The following DEPDC5 variants were observed in gnomAD, a reference collection of about 807,000 sequenced individuals.
DEPDC5 encodes the protein GATOR1 complex protein DEPDC5.
Under a neutral mutation model 217.3 loss-of-function variants are expected in DEPDC5, and 73 were observed. The ratio of observed to expected loss-of-function variants is 0.34; its 90% CI spans 0.28 to 0.41. The LOEUF (loss-of-function observed/expected upper bound fraction) is 0.41, where lower values mean the gene tolerates loss of function less well. DEPDC5 is among the 10% of genes least tolerant of loss of function. The pLI, the probability that DEPDC5 is intolerant of heterozygous loss-of-function variation, is 1.00. For missense variants in DEPDC5, 1,675 were observed against 2,070.1 expected (o/e 0.81, Z 3.70); for synonymous variants, 733 against 756.7 (o/e 0.97, Z 0.51).
intron 33 of DEPDC5, among the ~76,000 whole-genome samples, chr22:31,866,774 G>GT (rs572686207): frequency 6.6e-6 from 1 of 151,962 alleles, no homozygotes; most frequent in Non-Finnish European, 1.5e-5. Context: ...TTTGTCCGAG[G>GT]TTTTTTTTCA....
intron 32 of DEPDC5, among the ~76,000 whole-genome samples, chr22:31,860,279 G>C (rs565949004): frequency 6.6e-6 from 1 of 152,290 alleles, no homozygotes; most frequent in South Asian, 2.1e-4. Flanking sequence ...GGGGGTACCT[G>C]CATCAGCATC....
chr22:31,754,759 T>C (rs946320407), intron 1 of DEPDC5, 103 bp from the exon 2 acceptor site: 19 of 729,332 alleles, frequency 2.6e-5, no homozygotes, highest in Non-Finnish European at 3.9e-5. Flanking sequence ...TTGGCACCAC[T>C]TCACAGCAGA....
intron 39 of DEPDC5, chr22:31,893,954 G>A: frequency 1.8e-6 from 1 of 541,780 alleles, no homozygotes; most frequent in Non-Finnish European, 3.0e-6. Context: ...GGGTTTCTTA[G>A]CCTTAGCAGT....
intron 2 of DEPDC5, among the ~76,000 whole-genome samples, chr22:31,756,656 C>T (rs746355014): frequency 6.6e-6 from 1 of 152,128 alleles, no homozygotes; most frequent in Non-Finnish European, 1.5e-5. Flanking sequence ...CATGGTAGCT[C>T]ATGACTGTAA....
intron 38 of DEPDC5, among the ~76,000 whole-genome samples, chr22:31,889,561 TTTTTTC>T (rs1461433086): frequency 7.0e-6 from 1 of 142,060 alleles, no homozygotes; most frequent in African/African-American, 2.6e-5. Flanking sequence ...TTTTTTTTTT[TTTTTTC>T]CAGACAGAGT....
At chr22:31,804,592 A>G (rs957674656) in intron 16 of DEPDC5, among the ~76,000 whole-genome samples, 3 of 152,120 alleles carry the variant, frequency 2.0e-5, no homozygotes, top group Non-Finnish European at 4.4e-5. Context: ...GGCGCCTGCC[A>G]CCATGCCAGG....
At chr22:31,759,355 G>C (rs112797876) in intron 3 of DEPDC5, among the ~76,000 whole-genome samples, 1 of 132,368 alleles carries the variant, frequency 7.6e-6, no homozygotes, top group South Asian at 2.5e-4. Context: ...ATACCGAGCC[G>C]TTTTTTTTGT....
intron 22 of DEPDC5, among the ~76,000 whole-genome samples, chr22:31,820,450 T>C (rs1003572264): frequency 2.0e-5 from 3 of 152,186 alleles, no homozygotes; most frequent in Non-Finnish European, 2.9e-5. Flanking sequence ...ACCATCCTGC[T>C]GAATACCTGG....
At chr22:31,874,201 T>A (rs2092929196) in intron 35 of DEPDC5, 72 bp from the exon 36 acceptor site, 1 of 1,551,602 alleles carries the variant, frequency 6.4e-7, no homozygotes, top group South Asian at 1.2e-5. Context: ...CCCTTCTTTT[T>A]CATCTTTCCT....
At chr22:31,824,075 G>C (rs1189550724) in intron 24 of DEPDC5, among the ~76,000 whole-genome samples, 6 of 152,232 alleles carry the variant, frequency 3.9e-5, no homozygotes, top group Non-Finnish European at 8.8e-5. Flanking sequence ...TCATTGCTGG[G>C]CACAGTGGCT....
Position 31,846,435 on chromosome 22 carries a change from C to T in DEPDC5, c.3022-399C>T, listed in dbSNP as rs558572829. Among the ~76,000 whole-genome samples, 7 of 152,252 alleles carry T rather than the reference C, an allele frequency of 4.6e-5. No individual in the cohort carries two copies. The South Asian group carries it at 1.0e-3, about 23-fold the overall frequency. ...ACACAACATCACTTACGATTAGAAACGTGTCTGGGAGAGCTTGGATAGTGG... is the reference window on the plus strand; with the variant it reads ...ACACAACATCACTTACGATTAGAAATGTGTCTGGGAGAGCTTGGATAGTGG... On this transcript the variant is annotated intron_variant, in intron 30 of 42. Transcript: ENST00000651528.
chr22:31,808,628 G>A (rs557927316), intron 18 of DEPDC5, among the ~76,000 whole-genome samples: 7 of 151,948 alleles, frequency 4.6e-5, no homozygotes, highest in African/African-American at 1.4e-4. Flanking sequence ...TAGAGACGAG[G>A]TTTCACCATG....
intron 33 of DEPDC5, among the ~76,000 whole-genome samples, chr22:31,864,501 A>ATATAT (rs2092618825): frequency 8.1e-6 from 1 of 123,162 alleles, no homozygotes; most frequent in Non-Finnish European, 1.7e-5. Context: ...TCTTCATTAA[A>ATATAT]ATATATATAT....
intron 16 of DEPDC5, 65 bp downstream of exon 16, chr22:31,804,288 C>T: frequency 1.3e-6 from 2 of 1,522,320 alleles, no homozygotes; most frequent in Non-Finnish European, 1.8e-6. Flanking sequence ...AGAAAAATTC[C>T]AGGCGCTGTG....
chr22:31,848,230 A>G (rs1343989793), intron 31 of DEPDC5, among the ~76,000 whole-genome samples: 1 of 152,118 alleles, frequency 6.6e-6, no homozygotes, highest in African/African-American at 2.4e-5. Flanking sequence ...TTCCAGATGC[A>G]TGATGCAAGC....
At chr22:31,761,494 T>C (rs78354843) in intron 4 of DEPDC5, among the ~76,000 whole-genome samples, 5,138 of 152,002 alleles carry the variant, frequency 0.034, 110 homozygotes, top group South Asian at 0.063. Flanking sequence ...GTTCTCTTCT[T>C]ATCAAACTAT....
intron 31 of DEPDC5, among the ~76,000 whole-genome samples, chr22:31,848,904 C>T (rs2091886503): frequency 6.6e-6 from 1 of 152,162 alleles, no homozygotes; most frequent in Admixed American, 6.5e-5. Context: ...TTCAGAGCTT[C>T]ATAGATCTCT....
At chr22:31,778,925 G>A (rs530712959) in intron 8 of DEPDC5, among the ~76,000 whole-genome samples, 340 of 152,286 alleles carry the variant, frequency 2.2e-3, no homozygotes, top group African/African-American at 8.0e-3. Context: ...GAGGGGTTGT[G>A]CCATTGGCAT....
intron 32 of DEPDC5, among the ~76,000 whole-genome samples, chr22:31,860,264 G>A (rs2092462149): frequency 6.6e-6 from 1 of 152,190 alleles, no homozygotes; most frequent in Admixed American, 6.5e-5. Context: ...ATGTTAGAAT[G>A]CGTTGGGGGT....
Sources: allele counts gnomAD v4.1 joint callset (sites outside exome capture counted in the v4.1 genomes callset), GRCh38; gene constraint gnomAD v4.1.1; transcripts MANE v1.5; gene names NCBI Gene and HGNC (gene_info 2026-07-23, HGNC 2026-07-21).